The following SMCHD1 variants were observed in gnomAD, a reference collection of about 807,000 sequenced individuals.
SMCHD1 encodes structural maintenance of chromosomes flexible hinge domain-containing protein 1.
SMCHD1 carries 78 observed loss-of-function variants against 254.7 expected under a neutral mutation model. That is an observed-to-expected ratio of 0.31 (90% CI 0.26 to 0.37). SMCHD1 has a LOEUF of 0.37. Among genes scored for constraint, SMCHD1 ranks in the 10% least tolerant of loss-of-function variants. SMCHD1 has a pLI of 1.00. For missense variants in SMCHD1, 1,840 were observed against 2,408.1 expected (o/e 0.76, Z 4.94); for synonymous variants, 766 against 794.9 (o/e 0.96, Z 0.61).
intron 25 of SMCHD1, among the ~76,000 whole-genome samples, chr18:2,736,592 A>C (rs2143516618): frequency 6.9e-6 from 1 of 145,530 alleles, no homozygotes; most frequent in African/African-American, 2.4e-5. Flanking sequence ...AAAGGATATG[A>C]ATAGATAACT....
At chr18:2,674,672 G>T (rs1240177635) in intron 5 of SMCHD1, among the ~76,000 whole-genome samples, 3 of 152,172 alleles carry the variant, frequency 2.0e-5, no homozygotes, top group Non-Finnish European at 2.9e-5. Context: ...ACATAAAAAA[G>T]ATTTAGATTC....
intron 25 of SMCHD1, among the ~76,000 whole-genome samples, chr18:2,736,079 G>A (rs1002434815): frequency 3.9e-5 from 6 of 152,140 alleles, no homozygotes; most frequent in African/African-American, 1.4e-4. Flanking sequence ...CAGTGGAGGA[G>A]GTTAGAGAGC....
At chr18:2,680,230 G>T (rs1309656834) in intron 5 of SMCHD1, among the ~76,000 whole-genome samples, 1 of 151,942 alleles carries the variant, frequency 6.6e-6, no homozygotes, top group Non-Finnish European at 1.5e-5. Flanking sequence ...ATATCTTTTT[G>T]CATGGCTTGT....
At chr18:2,747,401 A>G (rs947019479) in intron 29 of SMCHD1, 121 bp from the exon 30 acceptor site, 1 of 842,506 alleles carries the variant, frequency 1.2e-6, no homozygotes, top group African/African-American at 1.8e-5. Flanking sequence ...TTCATTGACC[A>G]AAGAAGCCAT....
In SMCHD1 at chr18:2,726,470, A is replaced by T; in HGVS notation, c.2719A>T (p.Thr907Ser). ...CQGKNYNLKV[T>S]LPGLKEDSQI... Reference sequence around the variant, plus strand: ...CCAACAGAATTATAATCTGAAGGTTACTCTGCCTGGCTTAAAAGAAGACTC... The same window carrying T: ...CCAACAGAATTATAATCTGAAGGTTTCTCTGCCTGGCTTAAAAGAAGACTC... Residue 907 changes from threonine (T) to serine (S), a missense_variant, in exon 22 of 48, where the codon ACT (threonine) becomes TCT (serine). This residue lies in a region of SMCHD1 where 881 missense variants were observed against 1,009.5 expected (regional missense o/e 0.87). Transcript: ENST00000320876. 6.6e-7 allele frequency: 1 copy of T among 1,510,280 alleles called. No individual in the cohort carries two copies. The highest frequency in any genetic ancestry group is 8.9e-7 in the Non-Finnish European group (1 of 1,119,158). 93.6% of individuals were successfully genotyped at this position (1,510,280 alleles called of 1,614,324 possible).
intron 47 of SMCHD1, among the ~76,000 whole-genome samples, chr18:2,798,616 G>C (rs546764501): frequency 6.6e-6 from 1 of 152,250 alleles, no homozygotes; most frequent in East Asian, 1.9e-4. Context: ...TCTTATATTG[G>C]TTAAATAATA....
intron 13 of SMCHD1, among the ~76,000 whole-genome samples, chr18:2,704,184 TC>T (rs1032534965): frequency 6.6e-6 from 1 of 152,106 alleles, no homozygotes; most frequent in Non-Finnish European, 1.5e-5. Context: ...TATTGGCTCC[TC>T]AGGAGCTAGG....
rs1435456826 is a variant in SMCHD1 at position 2,802,886 on chromosome 18, A to G, written c.*334A>G. On this transcript the variant is annotated 3_prime_UTR_variant, in exon 48 of 48. Transcript: ENST00000320876. ...ATTTATTAATCCTGAAGAAAAGTAC[A>G]TGTACTATTTTTCAGTATAAATATA... 4.4e-6 allele frequency: 1 copy of G among 228,918 alleles called. No individual in the cohort carries two copies. Among genetic ancestry groups the G allele is most frequent in the Non-Finnish European group, 8.4e-6 (1 of 118,546 alleles). The allele number at this position is 228,918 out of a possible 1,614,324, so 14.2% of individuals were successfully genotyped here. A position where few individuals can be genotyped will look rare whatever the true frequency, so the allele number is the denominator to read the frequency against.
At chr18:2,668,502 G>A (rs1392480165) in intron 3 of SMCHD1, among the ~76,000 whole-genome samples, 3 of 152,120 alleles carry the variant, frequency 2.0e-5, no homozygotes, top group African/African-American at 4.8e-5. Flanking sequence ...TTAAACTTTA[G>A]GAGAGTGACT....
intron 3 of SMCHD1, among the ~76,000 whole-genome samples, chr18:2,672,363 A>T (rs550252583): frequency 1.3e-5 from 2 of 152,096 alleles, no homozygotes; most frequent in South Asian, 2.1e-4. Context: ...AGTAGCTGGG[A>T]TTATAGGCAC....
chr18:2,715,405 C>G (rs1003278094), intron 17 of SMCHD1, among the ~76,000 whole-genome samples: 48 of 152,014 alleles, frequency 3.2e-4, no homozygotes, highest in African/African-American at 1.1e-3. Flanking sequence ...TCAACCATAT[C>G]TTGTAATTCC....
intron 42 of SMCHD1, among the ~76,000 whole-genome samples, chr18:2,776,588 A>C (rs2076070025): frequency 6.6e-6 from 1 of 152,176 alleles, no homozygotes; most frequent in Non-Finnish European, 1.5e-5. Context: ...ATACTAACAA[A>C]AAGTAAATAA....
At chr18:2,775,704 AT>A (rs1164896126) in intron 41 of SMCHD1, 29 bp from the exon 42 acceptor site, 2 of 1,570,746 alleles carry the variant, frequency 1.3e-6, no homozygotes, top group South Asian at 1.2e-5. Flanking sequence ...TGGATTTTAT[AT>A]TTTTTTACTT....
At chr18:2,769,608 A>G in intron 37 of SMCHD1, 86 bp from the exon 38 acceptor site, 1 of 1,414,256 alleles carries the variant, frequency 7.1e-7, no homozygotes, top group East Asian at 2.5e-5. Context: ...TTACTTGAAA[A>G]CAGCATAATG....
chr18:2,783,225 C>T (rs376946863), intron 44 of SMCHD1, among the ~76,000 whole-genome samples: 9 of 152,222 alleles, frequency 5.9e-5, no homozygotes, highest in Admixed American at 2.0e-4. Flanking sequence ...CCGTATACAT[C>T]GTTCACATCT....
chr18:2,691,132 A>G (rs1171023214), intron 7 of SMCHD1, among the ~76,000 whole-genome samples: 1 of 152,122 alleles, frequency 6.6e-6, no homozygotes, highest in Non-Finnish European at 1.5e-5. Context: ...TTTTTACATA[A>G]CAGTATTCCA....
rs757082632 is a variant in SMCHD1, at chr18:2,666,140, TTTC to T, written c.187-14_187-12del. 7.9e-7 allele frequency: 1 copy of T among 1,264,748 alleles called. No individual in the cohort carries two copies. The highest frequency in any genetic ancestry group is 1.1e-6 in the Non-Finnish European group (1 of 884,510). 78.3% of individuals were successfully genotyped at this position (1,264,748 alleles called of 1,614,324 possible). A position where few individuals can be genotyped will look rare whatever the true frequency, so the allele number is the denominator to read the frequency against. On this transcript the variant is annotated splice_polypyrimidine_tract_variant and intron_variant, in intron 1 of 47. Transcript: ENST00000320876. ...TTCCTTTGTGTAATAAGTGATTTTA[TTTC>T]TTATTTTGGATAGACACTTGGCATT...
chr18:2,692,316 C>A (rs666255), intron 7 of SMCHD1, among the ~76,000 whole-genome samples: 129,743 of 152,154 alleles, frequency 0.85, 58,441 homozygotes, highest in East Asian at 1. Flanking sequence ...TGGGAGGCTG[C>A]GGAGGGAGAA....
chr18:2,773,648 G>A (rs765636150), intron 41 of SMCHD1, among the ~76,000 whole-genome samples: 2 of 152,080 alleles, frequency 1.3e-5, no homozygotes, highest in African/African-American at 2.4e-5. Flanking sequence ...TAGTCCGGGC[G>A]CGTTGGCTCA....
Sources: allele counts gnomAD v4.1 joint callset (sites outside exome capture counted in the v4.1 genomes callset), GRCh38; gene constraint gnomAD v4.1.1; regional missense constraint gnomAD v4.1.1; transcripts MANE v1.5; gene names NCBI Gene and HGNC (gene_info 2026-07-23, HGNC 2026-07-21).